Variants in ABLIM1 observed in about 807,000 individuals in gnomAD.
ABLIM1 encodes actin-binding LIM protein 1.
ABLIM1 carries 40 observed loss-of-function variants against 107.0 expected under a neutral mutation model. That is an observed-to-expected ratio of 0.37 (90% CI 0.29 to 0.49). The LOEUF (loss-of-function observed/expected upper bound fraction) is 0.49, where lower values mean the gene tolerates loss of function less well. ABLIM1 is among the 20% of genes least tolerant of loss of function. ABLIM1 has a pLI of 0.97. For synonymous variants in ABLIM1, 357 were observed against 357.3 expected (o/e 1.00, Z 0.01); for missense variants, 857 against 1,008.5 (o/e 0.85, Z 2.04).
intron 1 of ABLIM1, among the ~76,000 whole-genome samples, chr10:114,650,007 C>G (rs1449407613): frequency 6.6e-6 from 1 of 152,172 alleles, no homozygotes; most frequent in Admixed American, 6.6e-5. Flanking sequence ...AGGCGCCCAC[C>G]ACCATGCCAG....
chr10:114,437,814 T>G (rs1460201586), intron 22 of ABLIM1, 30 bp downstream of exon 22: 1 of 1,591,136 alleles, frequency 6.3e-7, no homozygotes, highest in South Asian at 1.1e-5. Context: ...GGATCTGCAG[T>G]TGGGACTGGA....
upstream of ABLIM1, among the ~76,000 whole-genome samples, chr10:114,688,801 A>C (rs150908642): frequency 4.2e-4 from 64 of 152,360 alleles, no homozygotes; most frequent in Non-Finnish European, 7.1e-4. Context: ...TGAATCAGTA[A>C]TCAGAGAAGA....
chr10:114,648,929 C>G (rs911969425), intron 1 of ABLIM1, among the ~76,000 whole-genome samples: 1 of 150,698 alleles, frequency 6.6e-6, no homozygotes, highest in Non-Finnish European at 1.5e-5. Context: ...TTCACCCGAG[C>G]TGAATCTCCA....
intron 6 of ABLIM1, among the ~76,000 whole-genome samples, chr10:114,501,572 T>C (rs1011265269): frequency 6.6e-6 from 1 of 152,208 alleles, no homozygotes; most frequent in African/African-American, 2.4e-5. Flanking sequence ...TTCCCAACTA[T>C]TAAAATGGCC....
At chr10:114,512,831 GGAAGGAAGGAAGGAAGGAAGGAAA>G (rs1225200586) in intron 6 of ABLIM1, among the ~76,000 whole-genome samples, 2 of 36,746 alleles carry the variant, frequency 5.4e-5, no homozygotes, top group South Asian at 1.1e-3. Context: ...TCAGATAGAA[GGAAGGAAGGAAGGAAGGAAGGAAA>G]GAAGGAAGGA....
chr10:114,732,660 G>GT (rs202029400), intron 1 of ABLIM1, among the ~76,000 whole-genome samples: 3 of 151,844 alleles, frequency 2.0e-5, no homozygotes, highest in Non-Finnish European at 4.4e-5. Flanking sequence ...TTATACCTAT[G>GT]TTTTTTTCTA....
At chr10:114,569,797 G>C (rs2071380881) in intron 4 of ABLIM1, among the ~76,000 whole-genome samples, 1 of 152,160 alleles carries the variant, frequency 6.6e-6, no homozygotes, top group Non-Finnish European at 1.5e-5. Context: ...GTCTAGGATG[G>C]TGCCTTGCTT....
intron 22 of ABLIM1, among the ~76,000 whole-genome samples, chr10:114,437,005 T>C (rs113338547): frequency 2.4e-4 from 36 of 152,298 alleles, no homozygotes; most frequent in African/African-American, 8.4e-4. Flanking sequence ...CAAAAATTAG[T>C]CTTCCATGTC....
chr10:114,658,573 G>A (rs1482658380), upstream of ABLIM1, among the ~76,000 whole-genome samples: 2 of 152,148 alleles, frequency 1.3e-5, no homozygotes, highest in East Asian at 3.8e-4. Context: ...TGAGAATAGG[G>A]CTAGGGATAT....
At chr10:114,641,840 C>T (rs1251750944) in intron 1 of ABLIM1, among the ~76,000 whole-genome samples, 1 of 151,506 alleles carries the variant, frequency 6.6e-6, no homozygotes, top group Non-Finnish European at 1.5e-5. Flanking sequence ...GAGTTAGGGC[C>T]TGCAGGTCAT....
rs775150767 is a variant in ABLIM1 at position 114,447,997 on chromosome 10, A to T, written c.1618T>A (p.Ser540Thr). The change falls in exon 15 of 23, where the codon TCC becomes ACC. Residue 540 changes from serine (S) to threonine (T), a missense_variant. By Grantham distance (58) the Ser-to-Thr change is moderately conservative. Transcript: ENST00000533213. ...QHAALAAQSK[S>T]SEDIIKFSKF... ...GAAAACTTGATGATATCTTCTGAGG[A>T]CTTGCTCTGGGCTGCCAAGGCAGCT... The T allele has an allele frequency of 6.2e-7, 1 of 1,614,072 alleles. No homozygotes were observed. Among genetic ancestry groups the T allele is most frequent in the East Asian group, 2.2e-5 (1 of 44,872 alleles).
In ABLIM1 at chr10:114,465,892, C is replaced by T. The variant is rs2065047843; in HGVS notation, c.1312-65G>A. On this transcript the variant is annotated intron_variant, in intron 11 of 22. Transcript: ENST00000533213. ...CTCAGTAGGAACCACGCTTCACAAA[C>T]ACTGCCAAGGAACCATCATGTCTAC... 11 of 1,550,418 alleles carry T rather than the reference C, an allele frequency of 7.1e-6. No individual in the cohort carries two copies. In the South Asian group the frequency reaches 1.3e-4, roughly 18 times the overall value.
intron 1 of ABLIM1, among the ~76,000 whole-genome samples, chr10:114,754,597 A>AG (rs1373746568): frequency 6.6e-6 from 1 of 152,196 alleles, no homozygotes; most frequent in African/African-American, 2.4e-5. Flanking sequence ...GCAATGAATC[A>AG]GGGGGAAAGG....
intron 1 of ABLIM1, among the ~76,000 whole-genome samples, chr10:114,720,003 T>C (rs1325939482): frequency 6.6e-6 from 1 of 152,192 alleles, no homozygotes; most frequent in East Asian, 1.9e-4. Flanking sequence ...ATGTATTAGC[T>C]ATTTTTCCTG....
chr10:114,653,084 C>G (rs891409817), intron 1 of ABLIM1, among the ~76,000 whole-genome samples: 1 of 152,204 alleles, frequency 6.6e-6, no homozygotes, highest in Non-Finnish European at 1.5e-5. Context: ...GTTGAGACCA[C>G]GAACCTGGGT....
At chr10:114,799,203 ATC>A in the ABLIM1 span, among the ~76,000 whole-genome samples, 1 of 152,222 alleles carries the variant, frequency 6.6e-6, no homozygotes, top group Non-Finnish European at 1.5e-5. Context: ...CTATGCTGGC[ATC>A]TCTGCCAATT....
At chr10:114,746,978 C>A (rs1404725696) in intron 1 of ABLIM1, among the ~76,000 whole-genome samples, 1 of 151,764 alleles carries the variant, frequency 6.6e-6, no homozygotes, top group Non-Finnish European at 1.5e-5. Context: ...ATTAATAAAC[C>A]CTTATTTTGG....
At chr10:114,454,874 A>G (rs1304078132) in intron 12 of ABLIM1, among the ~76,000 whole-genome samples, 1 of 152,202 alleles carries the variant, frequency 6.6e-6, no homozygotes, top group Admixed American at 6.5e-5. Flanking sequence ...CAGAAATAAT[A>G]TGAACTTGCA....
intron 1 of ABLIM1, among the ~76,000 whole-genome samples, chr10:114,644,941 TC>T (rs965518988): frequency 2.6e-5 from 4 of 152,098 alleles, no homozygotes; most frequent in African/African-American, 9.7e-5. Flanking sequence ...ATTCTGTACT[TC>T]CTGAGGCCTG....
Sources: gnomAD v4.1 joint callset for allele counts (sites outside exome capture counted in the v4.1 genomes callset) on GRCh38, gnomAD v4.1.1 for gene constraint, MANE v1.5 for transcripts, NCBI Gene and HGNC (gene_info 2026-07-23, HGNC 2026-07-21) for gene names.